The following SOX5 variants were observed in gnomAD, a reference collection of about 807,000 sequenced individuals.
SOX5 encodes SRY-box transcription factor 5.
In SOX5, 9 loss-of-function variants were observed where a neutral mutation model predicts 92.0. The ratio of observed to expected loss-of-function variants is 0.10; its 90% confidence interval spans 0.06 to 0.17. The LOEUF is 0.17. SOX5 is among the 10% of genes least tolerant of loss of function. The pLI, the probability that SOX5 is intolerant of heterozygous loss-of-function variation, is 1.00. For missense variants in SOX5, 642 were observed against 944.5 expected (o/e 0.68, Z 4.20); for synonymous variants, 344 against 336.3 (o/e 1.02, Z -0.25).
intron 1 of SOX5, among the ~76,000 whole-genome samples, chr12:24,477,201 T>A (rs559131671): frequency 1.3e-5 from 2 of 151,694 alleles, no homozygotes; most frequent in African/African-American, 4.8e-5. Flanking sequence ...TGGCACGATC[T>A]CAGCTCACTG....
chr12:23,583,362 C>G (rs76558517), intron 9 of SOX5, among the ~76,000 whole-genome samples: 3,193 of 152,156 alleles, frequency 0.021, 99 homozygotes, highest in African/African-American at 0.073. Context: ...CACAATATCA[C>G]ATGAAAACCC....
chr12:24,030,843 A>G (rs1350099982), intron 4 of SOX5, among the ~76,000 whole-genome samples: 1 of 151,914 alleles, frequency 6.6e-6, no homozygotes, highest in Admixed American at 6.6e-5. Context: ...AATAGCTCAT[A>G]GCAACAAGAC....
chr12:24,234,820 G>T (rs1463422103), intron 3 of SOX5, among the ~76,000 whole-genome samples: 2 of 152,098 alleles, frequency 1.3e-5, no homozygotes, highest in Non-Finnish European at 2.9e-5. Context: ...CCTGCCCAGG[G>T]GACCTTTAGC....
At chr12:24,345,339 C>CT (rs1175788731) in intron 2 of SOX5, among the ~76,000 whole-genome samples, 2 of 152,172 alleles carry the variant, frequency 1.3e-5, no homozygotes, top group Non-Finnish European at 2.9e-5. Context: ...ACCTTCAAGC[C>CT]TTCCTTTGCC....
At chr12:24,212,919 G>C (rs1229301283) in intron 4 of SOX5, among the ~76,000 whole-genome samples, 1 of 152,136 alleles carries the variant, frequency 6.6e-6, no homozygotes, top group African/African-American at 2.4e-5. Context: ...ACATGGCAGA[G>C]AAGAGAAGAA....
At chr12:24,511,370 T>C (rs570965609) in intron 1 of SOX5, among the ~76,000 whole-genome samples, 144 of 152,356 alleles carry the variant, frequency 9.5e-4, no homozygotes, top group Admixed American at 1.6e-3. Context: ...CAATGTTCCA[T>C]GACTATGTGA....
chr12:24,482,752 A>G (rs1438919652), intron 1 of SOX5, among the ~76,000 whole-genome samples: 1 of 152,234 alleles, frequency 6.6e-6, no homozygotes, highest in Non-Finnish European at 1.5e-5. Flanking sequence ...TTAAAGGACT[A>G]CATAGAGCAA....
rs547044114 is a variant in SOX5, at chr12:23,769,362, G to GA, written c.482-13639dup. Among the ~76,000 whole-genome samples the GA allele has an allele frequency of 1.9e-3, 271 of 142,690 alleles. 2 individuals carry two copies. Among genetic ancestry groups the GA allele is most frequent in the African/African-American group, 4.2e-3 (166 of 39,262 alleles). 93.6% of individuals were successfully genotyped at this position (142,690 alleles called of 152,430 possible). ...TCAGTGAAGTTTCACAGCATGGAAG[G>GA]AAAAAAAAAAAATAAGAGGGGAAAA... On this transcript the variant is annotated intron_variant, in intron 3 of 14. Coordinates refer to ENST00000451604, the MANE Select transcript of SOX5 (RefSeq NM_006940.6).
intron 3 of SOX5, among the ~76,000 whole-genome samples, chr12:24,218,268 G>A (rs755575311): frequency 1.3e-5 from 2 of 151,898 alleles, no homozygotes; most frequent in Non-Finnish European, 2.9e-5. Flanking sequence ...ACAAAATTTG[G>A]TACATCCATT....
rs1465899778 is a variant in SOX5 at position 23,996,247 on chromosome 12, T to C, written c.-1-100223A>G. Among the ~76,000 whole-genome samples, 4 of 152,212 alleles carry C rather than the reference T, an allele frequency of 2.6e-5. No homozygotes were observed. The South Asian group carries it at 6.2e-4, about 24-fold the overall frequency. On this transcript the variant is annotated intron_variant, in intron 4 of 4. Coordinates refer to the SOX5 transcript ENST00000446891. ...ATGTGAAGAAAGAAAAGATGTTCAATGTTATTAGTCATTAGGGAAATATAA... is the reference window on the plus strand; with the variant it reads ...ATGTGAAGAAAGAAAAGATGTTCAACGTTATTAGTCATTAGGGAAATATAA...
chr12:24,003,185 G>T (rs761653509), intron 4 of SOX5, among the ~76,000 whole-genome samples: 1 of 152,012 alleles, frequency 6.6e-6, no homozygotes, highest in Non-Finnish European at 1.5e-5. Flanking sequence ...TCTGTAAAAT[G>T]AAACAGCTAA....
chr12:23,631,347 A>G (rs892667806), intron 8 of SOX5, among the ~76,000 whole-genome samples: 1 of 152,122 alleles, frequency 6.6e-6, no homozygotes, highest in Admixed American at 6.6e-5. Flanking sequence ...TGAAGAACAA[A>G]TTTCTAAGAT....
In SOX5 at chr12:24,285,017, T is replaced by A. The variant is rs144234214; in HGVS notation, c.-173-7705A>T. 7.2e-3 allele frequency among the ~76,000 whole-genome samples: 1,088 copies of A among 152,024 alleles called. 6 individuals are homozygous for A. Among genetic ancestry groups the A allele is most frequent in the African/African-American group, 0.025 (1,035 of 41,454 alleles). On this transcript the variant is annotated intron_variant, in intron 2 of 4. Coordinates refer to the SOX5 transcript ENST00000446891. Reference sequence around the variant, plus strand: ...GCGGGCACCTATAATCCCAGCTACTTGGGATGCTGAGGCAGGAGAATCGCT... The same window carrying A: ...GCGGGCACCTATAATCCCAGCTACTAGGGATGCTGAGGCAGGAGAATCGCT...
chr12:24,520,539 C>T (rs760039390), intron 1 of SOX5, among the ~76,000 whole-genome samples: 9 of 150,718 alleles, frequency 6.0e-5, no homozygotes, highest in Non-Finnish European at 1.3e-4. Context: ...TACAGAAAAG[C>T]ATTAAATAAA....
At chr12:23,713,733 T>C (rs917063242) in intron 6 of SOX5, among the ~76,000 whole-genome samples, 3 of 146,654 alleles carry the variant, frequency 2.0e-5, no homozygotes, top group Non-Finnish European at 3.0e-5. Flanking sequence ...TTTATATATA[T>C]AATATACATA....
intron 4 of SOX5, among the ~76,000 whole-genome samples, chr12:24,211,024 G>C (rs1958551661): frequency 6.6e-6 from 1 of 152,118 alleles, no homozygotes; most frequent in African/African-American, 2.4e-5. Flanking sequence ...TGGTCTACCA[G>C]GCTGTAAATG....
chr12:24,196,403 T>A (rs901857854), intron 4 of SOX5, among the ~76,000 whole-genome samples: 1 of 152,228 alleles, frequency 6.6e-6, no homozygotes, highest in Admixed American at 6.5e-5. Flanking sequence ...TATCACACCA[T>A]TGTAATGTAT....
At chr12:24,283,892 A>C (rs1945515416) in intron 2 of SOX5, among the ~76,000 whole-genome samples, 1 of 152,240 alleles carries the variant, frequency 6.6e-6, no homozygotes, top group Admixed American at 6.5e-5. Context: ...TAAGTAATTT[A>C]AACTAAAACC....
chr12:23,743,106 T>C (rs1403997233), intron 4 of SOX5, among the ~76,000 whole-genome samples: 2 of 152,202 alleles, frequency 1.3e-5, no homozygotes, highest in African/African-American at 4.8e-5. Flanking sequence ...AAAAATTATT[T>C]TTGAAGAAAA....
Sources: allele counts gnomAD v4.1 joint callset (sites outside exome capture counted in the v4.1 genomes callset), GRCh38; gene constraint gnomAD v4.1.1; transcripts MANE v1.5; gene names NCBI Gene and HGNC (gene_info 2026-07-23, HGNC 2026-07-21).